NTRK2: variants seen among roughly 807,000 people sequenced by gnomAD.
The protein encoded by NTRK2 is neurotrophic receptor tyrosine kinase 2, also known as BDNF/NT-3 growth factors receptor.
NTRK2 carries 13 observed loss-of-function variants against 94.5 expected under a neutral mutation model. The ratio of observed to expected loss-of-function variants is 0.14; its 90% CI spans 0.09 to 0.22. NTRK2 has a LOEUF of 0.22. Ranked by LOEUF, NTRK2 falls within the 10% of genes least tolerant of loss-of-function variation. The pLI is 1.00. For missense variants in NTRK2, 639 were observed against 1,071.2 expected, an observed-to-expected ratio of 0.60 and a Z score of 5.63; for synonymous variants, 372 against 407.4, an observed-to-expected ratio of 0.91 and a Z score of 1.05.
chr9:84,671,915 T>C (rs71506658), intron 2 of NTRK2, among the ~76,000 whole-genome samples: 2 of 152,230 alleles, frequency 1.3e-5, no homozygotes, highest in Admixed American at 1.3e-4. Flanking sequence ...ACTGTTATTG[T>C]TATCATTTTT....
At chr9:84,716,470 T>A (rs1215581785) in intron 6 of NTRK2, among the ~76,000 whole-genome samples, 1 of 152,218 alleles carries the variant, frequency 6.6e-6, no homozygotes. Context: ...CTTTTGTTCG[T>A]GTTGAACCAA....
chr9:84,851,587 C>A (rs890444249), intron 12 of NTRK2, among the ~76,000 whole-genome samples: 1 of 152,110 alleles, frequency 6.6e-6, no homozygotes, highest in Non-Finnish European at 1.5e-5. Context: ...CATTTCCTGA[C>A]TTTGGCTGGA....
At chr9:84,925,201 C>CTTTT (rs562875058) in intron 14 of NTRK2, among the ~76,000 whole-genome samples, 34 of 141,286 alleles carry the variant, frequency 2.4e-4, no homozygotes, top group African/African-American at 5.5e-4. Context: ...TTCTCTTCTT[C>CTTTT]TTTTTTTTTT....
At position 84,698,133 on chromosome 9, in the gene NTRK2, A is replaced by ATGTG. The variant is rs202149031; in HGVS notation, c.213-4012_213-4009dup. ...TAAATGGTATAAATAGTTTCTGTGT[A>ATGTG]TGTGTGTGTGTGTGTGTAACCCCAG... On this transcript the variant is annotated intron_variant, in intron 2 of 18. Coordinates refer to ENST00000277120, the MANE Select transcript of NTRK2 (RefSeq NM_006180.6). 1.3e-3 allele frequency among the ~76,000 whole-genome samples: 194 copies of ATGTG among 150,026 alleles called. 1 individual carries two copies. The highest frequency in any genetic ancestry group is 4.4e-3 in the African/African-American group (183 of 41,224).
chr9:84,967,077 C>T (rs376026008), intron 17 of NTRK2, among the ~76,000 whole-genome samples: 12 of 152,202 alleles, frequency 7.9e-5, no homozygotes, highest in East Asian at 1.9e-4. Flanking sequence ...CTATTTCTTA[C>T]GGTATCAGTT....
chr9:84,733,155 C>T (rs1484066656), intron 9 of NTRK2, among the ~76,000 whole-genome samples: 1 of 152,208 alleles, frequency 6.6e-6, no homozygotes. Context: ...TAATTCAACT[C>T]TCAGAGTGGT....
At chr9:84,763,348 C>T (rs2065757790) in intron 12 of NTRK2, among the ~76,000 whole-genome samples, 1 of 152,054 alleles carries the variant, frequency 6.6e-6, no homozygotes, top group South Asian at 2.1e-4. Flanking sequence ...AACCATTTTT[C>T]CCCTCACTGA....
intron 2 of NTRK2, among the ~76,000 whole-genome samples, chr9:84,682,647 C>G (rs2059459952): frequency 6.6e-6 from 1 of 152,120 alleles, no homozygotes; most frequent in Admixed American, 6.5e-5. Context: ...CCTCTAAAAT[C>G]CCTCAGCTCC....
At chr9:85,004,683 A>G (rs79397168) in intron 17 of NTRK2, among the ~76,000 whole-genome samples, 2,097 of 152,252 alleles carry the variant, frequency 0.014, 31 homozygotes, top group Middle Eastern at 0.048. Flanking sequence ...ATGCCAGTTG[A>G]TCATCATTAA....
chr9:84,802,123 T>TC (rs1392148166), intron 12 of NTRK2, among the ~76,000 whole-genome samples: 1 of 152,212 alleles, frequency 6.6e-6, no homozygotes, highest in Non-Finnish European at 1.5e-5. Flanking sequence ...TAAAATAATG[T>TC]CAGATGTTTT....
chr9:84,959,389 A>G (rs1824597456), intron 17 of NTRK2, among the ~76,000 whole-genome samples: 1 of 152,116 alleles, frequency 6.6e-6, no homozygotes. Context: ...AATGTTCCTT[A>G]TCTTTAAGCA....
chr9:85,018,051 C>A lies in NTRK2; in HGVS notation c.2173-2155C>A, dbSNP rs554108775. 2.6e-3 allele frequency among the ~76,000 whole-genome samples: 400 copies of A among 151,926 alleles called. 2 individuals carry two copies. The highest frequency in any genetic ancestry group is 6.8e-3 in the Middle Eastern group (2 of 294). ...TGCATGTTAGGTAAGCAAAACAATG[C>A]CATGTTTGTATCTTAAGAGGTTCCC... is the stretch of plus-strand genomic sequence containing the variant. On this transcript the variant is annotated intron_variant, in intron 17 of 18. Transcript: ENST00000277120.
chr9:84,982,318 C>G (rs1257834885), intron 17 of NTRK2, among the ~76,000 whole-genome samples: 2 of 152,180 alleles, frequency 1.3e-5, no homozygotes, highest in African/African-American at 2.4e-5. Context: ...TTTTTCTCAG[C>G]AGGAGGATCT....
intron 9 of NTRK2, among the ~76,000 whole-genome samples, chr9:84,732,139 T>C (rs951672837): frequency 6.6e-6 from 1 of 152,172 alleles, no homozygotes; most frequent in African/African-American, 2.4e-5. Flanking sequence ...TAGAAAACCA[T>C]GATGTTTCTC....
chr9:84,933,973 A>G (rs2132713875), intron 14 of NTRK2, among the ~76,000 whole-genome samples, 189 bp from the exon 15 acceptor site: 1 of 152,246 alleles, frequency 6.6e-6, no homozygotes, highest in South Asian at 2.1e-4. Flanking sequence ...CTGGAGAAAA[A>G]GGTGATGAAA....
Position 84,747,569 on chromosome 9 carries a change from C to T in NTRK2, c.1296+2496C>T, listed in dbSNP as rs185184921. ...CTCGGCTCACTGCAAGCTCTGCCTGCCGGGTTCATGCCATTCTCCTGCCTC... is the reference window on the plus strand; with the variant it reads ...CTCGGCTCACTGCAAGCTCTGCCTGTCGGGTTCATGCCATTCTCCTGCCTC... On this transcript the variant is annotated intron_variant, in intron 11 of 18. Coordinates refer to ENST00000277120, the MANE Select transcript of NTRK2 (RefSeq NM_006180.6). Among the ~76,000 whole-genome samples the T allele has an allele frequency of 3.1e-4, 46 of 150,212 alleles. 1 individual carries two copies. Among genetic ancestry groups the T allele is most frequent in the African/African-American group, 1.1e-3 (44 of 40,684 alleles).
At chr9:84,882,500 G>A (rs764033750) in intron 14 of NTRK2, among the ~76,000 whole-genome samples, 6 of 152,254 alleles carry the variant, frequency 3.9e-5, no homozygotes, top group South Asian at 2.1e-4. Flanking sequence ...GTTACCAGGC[G>A]GTCTTTTATT....
chr9:85,016,771 G>C (rs1344557105), intron 17 of NTRK2, among the ~76,000 whole-genome samples: 2 of 152,212 alleles, frequency 1.3e-5, no homozygotes, highest in Non-Finnish European at 1.5e-5. Context: ...TGTGAACCCT[G>C]TCTGAACTTT....
intron 14 of NTRK2, among the ~76,000 whole-genome samples, chr9:84,910,294 C>T (rs545201209): frequency 6.6e-5 from 10 of 152,270 alleles, no homozygotes; most frequent in African/African-American, 2.4e-4. Context: ...AAATCTGAAA[C>T]CAGTATCATC....
Sources: allele counts gnomAD v4.1 joint callset (sites outside exome capture counted in the v4.1 genomes callset), GRCh38; gene constraint gnomAD v4.1.1; transcripts MANE v1.5; gene names NCBI Gene and HGNC (gene_info 2026-07-23, HGNC 2026-07-21).